The following USP6NL variants were observed in gnomAD, a reference collection of about 807,000 sequenced individuals.
USP6NL encodes the protein USP6 N-terminal-like protein.
A neutral mutation model predicts 61.9 loss-of-function variants in USP6NL; 26 were observed. The ratio of observed to expected loss-of-function variants is 0.42; its 90% CI spans 0.31 to 0.58. USP6NL has a LOEUF of 0.58. Ranked by LOEUF, USP6NL falls within the 20% of genes least tolerant of loss-of-function variation. The pLI, the probability that USP6NL is intolerant of heterozygous loss-of-function variation, is 0.16. For missense variants in USP6NL, 1,114 were observed against 1,034.3 expected, an observed-to-expected ratio of 1.08 and a Z score of -1.06; for synonymous variants, 432 against 390.1, an observed-to-expected ratio of 1.11 and a Z score of -1.27.
rs991203131 is a variant in USP6NL, at chr10:11,548,915, T to C, written c.5-21348A>G. ...GTGCTATTATACCCAGAAAAGTCCC[T>C]AAAGACCATTATTTCCTTTTAAACC... On this transcript the variant is annotated intron_variant, in intron 2 of 14. Transcript: ENST00000609104. This position sits in a 1 kb window ranked among gnomAD's most constrained non-coding sequence, Gnocchi z 4.3. 6.6e-6 allele frequency among the ~76,000 whole-genome samples: 1 copy of C among 152,166 alleles called. No individual in the cohort carries two copies. Among genetic ancestry groups the C allele is most frequent in the African/African-American group, 2.4e-5 (1 of 41,456 alleles).
At chr10:11,605,177 T>C (rs1324836971) in intron 1 of USP6NL, among the ~76,000 whole-genome samples, 2 of 152,228 alleles carry the variant, frequency 1.3e-5, no homozygotes, top group African/African-American at 2.4e-5. Flanking sequence ...GAGGCTTCTT[T>C]AGGTAAACGT....
In USP6NL at chr10:11,463,587, T is replaced by G. The variant is rs2096227125; in HGVS notation, c.1341A>C (p.Ala447=). The G allele has an allele frequency of 1.2e-6, 2 of 1,614,050 alleles. No homozygotes were observed. The highest frequency in any genetic ancestry group is 8.5e-7 in the Non-Finnish European group (1 of 1,179,896). The change falls in exon 15 of 15, where the codon GCA becomes GCC. Residue 447 remains alanine, a synonymous_variant. Transcript: ENST00000609104. This position sits in a 1 kb window ranked among gnomAD's most constrained non-coding sequence, Gnocchi z 6.3. ...EEESKKLKDE[A]DFQRKLPSGP... Reference sequence around the variant, plus strand: ...CCGATGGGAGTTTTCTTTGAAAATCTGCCTCATCTTTAAGCTTTTTGCTCT... The same window carrying G: ...CCGATGGGAGTTTTCTTTGAAAATCGGCCTCATCTTTAAGCTTTTTGCTCT...
intron 2 of USP6NL, among the ~76,000 whole-genome samples, chr10:11,535,674 T>C (rs1017581187): frequency 9.9e-5 from 15 of 152,230 alleles, no homozygotes; most frequent in Non-Finnish European, 1.6e-4. Flanking sequence ...AGACAGCAAA[T>C]GCTCTTTTTT....
Position 11,485,821 on chromosome 10 carries a change from T to C in USP6NL, c.755A>G (p.His252Arg). Residue 252 changes from histidine (H) to arginine (R), a missense_variant, in exon 11 of 15, where the codon CAC (histidine) becomes CGC (arginine). His to Arg is a conservative substitution (Grantham distance 29). Coordinates refer to ENST00000609104, the MANE Select transcript of USP6NL (RefSeq NM_014688.5). The surrounding 1 kb of genome is among the most constrained non-coding windows in gnomAD (Gnocchi z 4.8). ...GTCAGTGGCACATCTACCTACCAAG[T>C]GTTGCTTAAGCTTGGACAGAAATTT... is the stretch of plus-strand genomic sequence containing the variant. ...LNKFLSKLKQ[H>R]LDSQEIYTSF... 2 of 1,550,590 alleles carry C rather than the reference T, an allele frequency of 1.3e-6. No homozygotes were observed. The highest frequency in any genetic ancestry group is 1.7e-6 in the Non-Finnish European group (2 of 1,147,204).
Position 11,553,723 on chromosome 10 carries a change from C to T in USP6NL, c.5-26156G>A, listed in dbSNP as rs1836578381. On this transcript the variant is annotated intron_variant, in intron 2 of 14. Coordinates refer to ENST00000609104, the MANE Select transcript of USP6NL (RefSeq NM_014688.5). This position sits in a 1 kb window ranked among gnomAD's most constrained non-coding sequence, Gnocchi z 4.8. The stretch of plus-strand genomic sequence containing the variant: ...CCAGCCTGACCAACATGATGAAACC[C>T]CGTCTCTACTAAAAATACAAAAATT... Among the ~76,000 whole-genome samples the T allele has an allele frequency of 6.6e-6, 1 of 151,934 alleles. No individual in the cohort carries two copies. The highest frequency in any genetic ancestry group is 2.4e-5 in the African/African-American group (1 of 41,346).
At chr10:11,507,263 T>C (rs950662627) in intron 6 of USP6NL, among the ~76,000 whole-genome samples, 3 of 152,220 alleles carry the variant, frequency 2.0e-5, no homozygotes, top group African/African-American at 4.8e-5. Flanking sequence ...GTGCAATGCA[T>C]TGAAATCTAC....
chr10:11,489,202 C>T lies in USP6NL; in HGVS notation c.564G>A (p.Gly188=), dbSNP rs779026273. The T allele has an allele frequency of 1.2e-6, 2 of 1,613,836 alleles. No homozygotes were observed. The highest frequency in any genetic ancestry group is 1.7e-5 in the Admixed American group (1 of 60,028). The change falls in exon 10 of 15, where the codon GGG becomes GGA. Residue 188 remains glycine, a synonymous_variant. Transcript: ENST00000609104. This position sits in a 1 kb window ranked among gnomAD's most constrained non-coding sequence, Gnocchi z 5.7. ...IYNTEVGYCQ[G]MSQITALLLM... ...GGAGTAAAGCTGTGATCTGGCTCAT[C>T]CCCTGACAATACCCGACTTCCTGGG...
Position 11,481,408 on chromosome 10 carries a change from C to T in USP6NL, c.1078+362G>A, listed in dbSNP as rs1339974409. ...TTTTACTGTACTTACTATTGCTGTA[C>T]TTACTATTGTATACGGTTTCACAAA... On this transcript the variant is annotated intron_variant, in intron 14 of 14. Transcript: ENST00000609104. This position sits in a 1 kb window ranked among gnomAD's most constrained non-coding sequence, Gnocchi z 4.4. Among the ~76,000 whole-genome samples the T allele has an allele frequency of 1.3e-5, 2 of 152,050 alleles. No individual in the cohort carries two copies. Among genetic ancestry groups the T allele is most frequent in the Non-Finnish European group, 2.9e-5 (2 of 68,000 alleles).
rs1267891784 is a variant in USP6NL at position 11,499,181 on chromosome 10, GAGAGAAAGAGTGGATGAGAAA to G, written c.384+1899_384+1919del. On this transcript the variant is annotated intron_variant, in intron 7 of 14. Transcript: ENST00000609104. The surrounding 1 kb of genome is among the most constrained non-coding windows in gnomAD (Gnocchi z 4.5). ...AGTTCGTGGAGGATGTGTGGAGAGA[GAGAGAAAGAGTGGATGAGAAA>G]GGAAAAAAAAGTTGGCTAAATAATG... Among the ~76,000 whole-genome samples the G allele has an allele frequency of 1.3e-5, 2 of 152,196 alleles. No homozygotes were observed. The highest frequency in any genetic ancestry group is 2.4e-5 in the African/African-American group (1 of 41,454).
intron 2 of USP6NL, among the ~76,000 whole-genome samples, chr10:11,555,083 G>A (rs1216103915): frequency 2.3e-5 from 3 of 133,128 alleles, no homozygotes; most frequent in Non-Finnish European, 3.1e-5. Flanking sequence ...GAGCCACCGC[G>A]CCTGGCCTGT....
rs1056479225 is a variant in USP6NL at position 11,518,578 on chromosome 10, C to G, written c.156-4G>C. On this transcript the variant is annotated splice_region_variant and splice_polypyrimidine_tract_variant and intron_variant, in intron 4 of 14. Coordinates refer to ENST00000609104, the MANE Select transcript of USP6NL (RefSeq NM_014688.5). The surrounding 1 kb of genome is among the most constrained non-coding windows in gnomAD (Gnocchi z 5.3). Reference sequence around the variant, plus strand: ...ATGATCTGGGAGCTCCTCCTCACTGCAGAGGAAAAACAGTATTATATGAAA... The same window carrying G: ...ATGATCTGGGAGCTCCTCCTCACTGGAGAGGAAAAACAGTATTATATGAAA... 1.2e-6 allele frequency: 2 copies of G among 1,610,760 alleles called. No individual in the cohort carries two copies. The highest frequency in any genetic ancestry group is 2.7e-5 in the African/African-American group (2 of 74,660).
At chr10:11,558,821 T>C (rs2133522994) in intron 2 of USP6NL, among the ~76,000 whole-genome samples, 1 of 152,226 alleles carries the variant, frequency 6.6e-6, no homozygotes, top group East Asian at 1.9e-4. Context: ...AGGGACTTTT[T>C]TTTCCTGGAG....
At chr10:11,577,557 A>G (rs1044376180) in intron 2 of USP6NL, among the ~76,000 whole-genome samples, 6 of 151,294 alleles carry the variant, frequency 4.0e-5, no homozygotes, top group Non-Finnish European at 8.9e-5. Context: ...CCGGAGTGCA[A>G]TGGCGCAATC....
At position 11,596,430 on chromosome 10, in the gene USP6NL, A is replaced by G. The variant is rs1221516462; in HGVS notation, c.4+1201T>C. 2.6e-5 allele frequency among the ~76,000 whole-genome samples: 4 copies of G among 151,586 alleles called. No individual in the cohort carries two copies. The highest frequency in any genetic ancestry group is 2.1e-4 in the South Asian group (1 of 4,814). ...AGGTCAGGAGATCGAGACCATCCTG[A>G]CTAACACGGTGAAACCCCGTCTCTA... On this transcript the variant is annotated intron_variant, in intron 2 of 14. Transcript: ENST00000609104. The surrounding 1 kb of genome is among the most constrained non-coding windows in gnomAD (Gnocchi z 4.1).
chr10:11,583,383 G>T (rs2133613918), intron 2 of USP6NL, among the ~76,000 whole-genome samples: 1 of 151,912 alleles, frequency 6.6e-6, no homozygotes, highest in East Asian at 1.9e-4. Context: ...AGTAGGGACG[G>T]GGTTTCACCG....
At chr10:11,503,353 A>G (rs143367440) in intron 6 of USP6NL, among the ~76,000 whole-genome samples, 1 of 152,312 alleles carries the variant, frequency 6.6e-6, no homozygotes, top group Non-Finnish European at 1.5e-5. Context: ...CTGTTGCTCA[A>G]TTCTGTACTC....
rs760843050 is a variant in USP6NL, at chr10:11,490,914, G to C, written c.495-34C>G. 6.7e-7 allele frequency: 1 copy of C among 1,492,394 alleles called. No homozygotes were observed. Among genetic ancestry groups the C allele is most frequent in the Non-Finnish European group, 9.0e-7 (1 of 1,115,750 alleles). The allele number at this position is 1,492,394 out of a possible 1,614,324, so 92.4% of individuals were successfully genotyped here. ...AAAAATTTACATTAAATACAATTTA[G>C]TAATTTCACATATTTTAAAAATTAC... On this transcript the variant is annotated intron_variant, in intron 8 of 14. Coordinates refer to ENST00000609104, the MANE Select transcript of USP6NL (RefSeq NM_014688.5). This position sits in a 1 kb window ranked among gnomAD's most constrained non-coding sequence, Gnocchi z 4.5.
At position 11,602,819 on chromosome 10, in the gene USP6NL, G is replaced by GT. The variant is rs1032279824; in HGVS notation, c.-83-5103dup. 1.3e-5 allele frequency among the ~76,000 whole-genome samples: 2 copies of GT among 152,120 alleles called. No individual in the cohort carries two copies. Among genetic ancestry groups the GT allele is most frequent in the Non-Finnish European group, 2.9e-5 (2 of 68,022 alleles). On this transcript the variant is annotated intron_variant, in intron 1 of 14. Transcript: ENST00000609104. This position sits in a 1 kb window ranked among gnomAD's most constrained non-coding sequence, Gnocchi z 4.8. ...ACACTTCTGGTCCCAAGCATTTCAG[G>GT]TAAGAGATACTCAACCTGTCATATC...
At chr10:11,497,367 C>T (rs775294248) in intron 7 of USP6NL, among the ~76,000 whole-genome samples, 9 of 145,244 alleles carry the variant, frequency 6.2e-5, no homozygotes, top group South Asian at 4.3e-4. Flanking sequence ...GCCAAGATCG[C>T]GCCACTGCAC....
Sources: gnomAD v4.1 joint callset for allele counts (sites outside exome capture counted in the v4.1 genomes callset) on GRCh38, gnomAD v4.1.1 for gene constraint, Gnocchi (gnomAD v3.1) non-coding constraint, MANE v1.5 for transcripts, NCBI Gene and HGNC (gene_info 2026-07-23, HGNC 2026-07-21) for gene names.